OR51E1: variants seen among roughly 807,000 people sequenced by gnomAD.
The protein encoded by OR51E1 is olfactory receptor 51E1.
Under a neutral mutation model 11.5 loss-of-function variants are expected in OR51E1, and 9 were observed. That is an observed-to-expected ratio of 0.78 (90% CI 0.47 to 1.37). The LOEUF (loss-of-function observed/expected upper bound fraction) is 1.37, where lower values mean the gene tolerates loss of function less well. Among genes scored for constraint, OR51E1 ranks in the 40% most tolerant of loss-of-function variants. The pLI, the probability that OR51E1 is intolerant of heterozygous loss-of-function variation, is 0.00. For synonymous variants in OR51E1, 168 were observed against 158.3 expected (o/e 1.06, Z -0.46); for missense variants, 397 against 410.2 (o/e 0.97, Z 0.28).
At chr11:4,648,977 A>T (rs1221288051) in intron 1 of OR51E1, among the ~76,000 whole-genome samples, 3 of 152,034 alleles carry the variant, frequency 2.0e-5, no homozygotes, top group African/African-American at 7.3e-5. Flanking sequence ...ACATCATCTC[A>T]TCCTTCTCAA....
Position 4,653,666 on chromosome 11 carries a change from G to T in OR51E1, c.*183G>T. On this transcript the variant is annotated 3_prime_UTR_variant, in exon 2 of 2. Transcript: ENST00000396952. ...ATATTATTTTCTTCTTTGTTTTCTT[G>T]CTACATATAATTATTAATACCCTGA... 1 of 551,578 alleles carries T rather than the reference G, an allele frequency of 1.8e-6. No homozygotes were observed. The highest frequency in any genetic ancestry group is 1.9e-5 in the African/African-American group (1 of 52,334). 34.2% of individuals were successfully genotyped at this position (551,578 alleles called of 1,614,324 possible). A position where few individuals can be genotyped will look rare whatever the true frequency, so the allele number is the denominator to read the frequency against.
chr11:4,650,853 A>T (rs538085711), intron 1 of OR51E1, among the ~76,000 whole-genome samples: 2 of 152,104 alleles, frequency 1.3e-5, no homozygotes, highest in African/African-American at 4.8e-5. Context: ...CACCAACATG[A>T]TGCTCAAAGA....
chr11:4,653,632 AT>A lies in OR51E1; in HGVS notation c.*155del. On this transcript the variant is annotated 3_prime_UTR_variant, in exon 2 of 2. Coordinates refer to ENST00000396952, the MANE Select transcript of OR51E1 (RefSeq NM_152430.4). The stretch of plus-strand genomic sequence containing the variant: ...ATATGAAACTGGTTGGGGAATCTCC[AT>A]TTTTTCAATATTATTTTCTTCTTTG... 1 of 559,588 alleles carries A rather than the reference AT, an allele frequency of 1.8e-6. No homozygotes were observed. The highest frequency in any genetic ancestry group is 2.7e-5 in the South Asian group (1 of 36,546). 34.7% of individuals were successfully genotyped at this position (559,588 alleles called of 1,614,324 possible). A position where few individuals can be genotyped will look rare whatever the true frequency, so the allele number is the denominator to read the frequency against.
At chr11:4,645,135 CTTATCTTCAACTGAAA>C (rs1257199042) in intron 1 of OR51E1, among the ~76,000 whole-genome samples, 1 of 151,994 alleles carries the variant, frequency 6.6e-6, no homozygotes, top group Non-Finnish European at 1.5e-5. Context: ...CTTTCGTGCC[CTTATCTTCAACTGAAA>C]TTTTATTTGT....
Position 4,653,552 on chromosome 11 carries a change from A to G in OR51E1, c.*69A>G. On this transcript the variant is annotated 3_prime_UTR_variant, in exon 2 of 2. Transcript: ENST00000396952. ...CAGATTTTAATGTTAACATTTTGGA[A>G]GACAGTATTCAGAAAAAAAATTTCC... is the stretch of plus-strand genomic sequence containing the variant. 9.8e-7 allele frequency: 1 copy of G among 1,015,404 alleles called. No individual in the cohort carries two copies. The highest frequency in any genetic ancestry group is 2.4e-5 in the East Asian group (1 of 41,180). 62.9% of individuals were successfully genotyped at this position (1,015,404 alleles called of 1,614,324 possible).
At position 4,652,774 on chromosome 11, in the gene OR51E1, A is replaced by G. The variant is rs1298835471; in HGVS notation, c.248A>G (p.Lys83Arg). The G allele has an allele frequency of 6.2e-7, 1 of 1,613,976 alleles. No homozygotes were observed. The highest frequency in any genetic ancestry group is 8.5e-7 in the Non-Finnish European group (1 of 1,180,020). ...DILISTSSMP[K>R]MLAIFWFNST... ...CTCATCTCCACCTCATCCATGCCCA[A>G]AATGCTGGCCATCTTCTGGTTCAAT... Residue 83 changes from lysine (K) to arginine (R), a missense_variant, in exon 2 of 2, where the codon AAA (lysine) becomes AGA (arginine). Transcript: ENST00000396952.
chr11:4,645,544 C>T (rs981230793), intron 1 of OR51E1, among the ~76,000 whole-genome samples: 2 of 152,210 alleles, frequency 1.3e-5, no homozygotes, highest in African/African-American at 4.8e-5. Context: ...ATCTCTGGTA[C>T]TCAGTGGAGT....
Position 4,645,099 on chromosome 11 carries a change from C to T in OR51E1, c.-40+1069C>T, listed in dbSNP as rs147384143. ...GTCTCCAGTATGAGTGTCCTGCACCCATCTTCCTCTGTCCTATCACTCTTT... is the reference window on the plus strand; with the variant it reads ...GTCTCCAGTATGAGTGTCCTGCACCTATCTTCCTCTGTCCTATCACTCTTT... On this transcript the variant is annotated intron_variant, in intron 1 of 1. Transcript: ENST00000396952. 2.1e-5 allele frequency among the ~76,000 whole-genome samples: 3 copies of T among 145,070 alleles called. No individual in the cohort carries two copies. In the East Asian group the frequency reaches 6.0e-4, roughly 29 times the overall value.
rs776792841 is a variant in OR51E1, at chr11:4,652,982, G to T, written c.456G>T (p.Val152=). ...TCACCAAAATTGGTGTGGCTGCTGTGGTGCGGGGGGCTGCACTGATGGCAC... is the reference window on the plus strand; with the variant it reads ...TCACCAAAATTGGTGTGGCTGCTGTTGTGCGGGGGGCTGCACTGATGGCAC... ...PRVTKIGVAA[V]VRGAALMAPL... is the part of the protein sequence containing the mutation. Residue 152 remains valine, a synonymous_variant, in exon 2 of 2, where the codon GTG becomes GTT. Transcript: ENST00000396952. The T allele has an allele frequency of 3.6e-5, 57 of 1,604,348 alleles. No homozygotes were observed. Among genetic ancestry groups the T allele is most frequent in the Non-Finnish European group, 4.8e-5 (56 of 1,174,826 alleles).
At chr11:4,649,215 T>C (rs189143681) in intron 1 of OR51E1, among the ~76,000 whole-genome samples, 2 of 152,328 alleles carry the variant, frequency 1.3e-5, no homozygotes, top group African/African-American at 4.8e-5. Context: ...GGTAAATACT[T>C]TAAAAAGACC....
chr11:4,652,907 G>A lies in OR51E1; in HGVS notation c.381G>A (p.Val127=), dbSNP rs897161540. 1.9e-6 allele frequency: 3 copies of A among 1,611,742 alleles called. No individual in the cohort carries two copies. In the East Asian group the frequency reaches 6.7e-5, roughly 36 times the overall value. Residue 127 remains valine, a synonymous_variant, in exon 2 of 2, where the codon GTG becomes GTA. Transcript: ENST00000396952. The stretch of plus-strand genomic sequence containing the variant: ...TGGCCATGGCTTTTGACCGCTATGT[G>A]GCCATCTGTCACCCACTGCGCCATG... ...VLLAMAFDRY[V]AICHPLRHAT... is the part of the protein sequence containing the mutation.
At position 4,654,884 on chromosome 11, in the gene OR51E1, G is replaced by A. The variant is rs949166606; in HGVS notation, c.*1401G>A. On this transcript the variant is annotated 3_prime_UTR_variant, in exon 2 of 2. Transcript: ENST00000396952. Reference sequence around the variant, plus strand: ...ACTAAAACATGTGATCATATATGTGGTAAGTTTCATTTTCTTTTTCAATCC... The same window carrying A: ...ACTAAAACATGTGATCATATATGTGATAAGTTTCATTTTCTTTTTCAATCC... The A allele has an allele frequency of 3.0e-5, 5 of 167,084 alleles. No homozygotes were observed. The allele number at this position is 167,084 out of a possible 1,614,324, so 10.4% of individuals were successfully genotyped here.
chr11:4,647,511 T>G (rs532046262), intron 1 of OR51E1, among the ~76,000 whole-genome samples: 2 of 152,122 alleles, frequency 1.3e-5, no homozygotes, highest in South Asian at 4.2e-4. Context: ...TCCTGCTGTC[T>G]GGTTTATCTC....
chr11:4,649,243 G>C (rs1307357883), intron 1 of OR51E1, among the ~76,000 whole-genome samples: 1 of 152,132 alleles, frequency 6.6e-6, no homozygotes, highest in Non-Finnish European at 1.5e-5. Context: ...TGTTCTTTTT[G>C]AGCACAGAAC....
At position 4,653,638 on chromosome 11, in the gene OR51E1, T is replaced by G; in HGVS notation, c.*155T>G. The G allele has an allele frequency of 1.8e-6, 1 of 565,146 alleles. No individual in the cohort carries two copies. The highest frequency in any genetic ancestry group is 2.9e-5 in the East Asian group (1 of 34,138). 35.0% of individuals were successfully genotyped at this position (565,146 alleles called of 1,614,324 possible). On this transcript the variant is annotated 3_prime_UTR_variant, in exon 2 of 2. Coordinates refer to ENST00000396952, the MANE Select transcript of OR51E1 (RefSeq NM_152430.4). ...AACTGGTTGGGGAATCTCCATTTTTTCAATATTATTTTCTTCTTTGTTTTC... is the reference window on the plus strand; with the variant it reads ...AACTGGTTGGGGAATCTCCATTTTTGCAATATTATTTTCTTCTTTGTTTTC...
Position 4,654,077 on chromosome 11 carries a change from T to C in OR51E1, c.*594T>C, listed in dbSNP as rs1291653838. On this transcript the variant is annotated 3_prime_UTR_variant, in exon 2 of 2. Transcript: ENST00000396952. ...CACTGTTCTGAGAGTTTTCACAGCA[T>C]ATGGACCCTGTTTTTCCTATTTAAT... 6.0e-6 allele frequency: 1 copy of C among 166,788 alleles called. No individual in the cohort carries two copies. Among genetic ancestry groups the C allele is most frequent in the African/African-American group, 2.4e-5 (1 of 41,466 alleles). The allele number at this position is 166,788 out of a possible 1,614,324, so 10.3% of individuals were successfully genotyped here.
intron 1 of OR51E1, among the ~76,000 whole-genome samples, chr11:4,652,198 C>T (rs945524185): frequency 6.6e-6 from 1 of 152,088 alleles, no homozygotes; most frequent in East Asian, 1.9e-4. Context: ...CAGCCAGTAG[C>T]CTTTCTTTGG....
At position 4,654,319 on chromosome 11, in the gene OR51E1, T is replaced by G. The variant is rs1163340219; in HGVS notation, c.*836T>G. On this transcript the variant is annotated 3_prime_UTR_variant, in exon 2 of 2. Transcript: ENST00000396952. ...TAGAGATTTCCAGAGTCTTACATTT[T>G]CTAGAGGAGGTATTTAATTTCTTCT... is the stretch of plus-strand genomic sequence containing the variant. 3 of 167,114 alleles carry G rather than the reference T, an allele frequency of 1.8e-5. No homozygotes were observed. Among genetic ancestry groups the G allele is most frequent in the Non-Finnish European group, 4.4e-5 (3 of 68,116 alleles). The allele number at this position is 167,114 out of a possible 1,614,324, so 10.4% of individuals were successfully genotyped here.
intron 1 of OR51E1, among the ~76,000 whole-genome samples, chr11:4,644,891 C>T (rs1003496508): frequency 1.8e-4 from 28 of 152,148 alleles, no homozygotes; most frequent in African/African-American, 6.8e-4. Context: ...CTCTGTTGTG[C>T]TCTTGATGCT....
Sources: allele counts gnomAD v4.1 joint callset (sites outside exome capture counted in the v4.1 genomes callset), GRCh38; gene constraint gnomAD v4.1.1; transcripts MANE v1.5; gene names NCBI Gene and HGNC (gene_info 2026-07-23, HGNC 2026-07-21).